Variants in PTPRD observed in about 807,000 individuals in gnomAD.
The protein encoded by PTPRD is protein tyrosine phosphatase receptor type D.
Under a neutral mutation model 214.5 loss-of-function variants are expected in PTPRD, and 34 were observed. The observed-to-expected ratio is 0.16, with a 90% CI of 0.12 to 0.21. The LOEUF (loss-of-function observed/expected upper bound fraction) is 0.21, where lower values mean the gene tolerates loss of function less well. Ranked by LOEUF, PTPRD falls within the 10% of genes least tolerant of loss-of-function variation. The pLI is 1.00. For missense variants in PTPRD, 2,545 were observed against 2,398.7 expected (o/e 1.06, Z -1.27); for synonymous variants, 1,128 against 845.7 (o/e 1.33, Z -5.79).
chr9:9,916,094 CAAA>C (rs201403712), intron 5 of PTPRD, among the ~76,000 whole-genome samples: 8,757 of 142,164 alleles, frequency 0.062, 283 homozygotes, highest in East Asian at 0.11. Flanking sequence ...AAAAAAAAAA[CAAA>C]AAACTGTCAG....
chr9:10,306,277 T>TG (rs1394892710), intron 3 of PTPRD, among the ~76,000 whole-genome samples: 6,186 of 42,396 alleles, frequency 0.15, 492 homozygotes, highest in African/African-American at 0.36. Flanking sequence ...TGTCGTGGGG[T>TG]GGGGGGGGCT....
chr9:9,716,069 G>A (rs2097822055), intron 7 of PTPRD, among the ~76,000 whole-genome samples: 1 of 143,830 alleles, frequency 7.0e-6, no homozygotes, highest in African/African-American at 2.6e-5. Context: ...TGATCTCATT[G>A]TTCAGTTCCC....
intron 33 of PTPRD, among the ~76,000 whole-genome samples, chr9:8,453,821 G>A (rs1398431232): frequency 6.6e-6 from 1 of 152,174 alleles, no homozygotes; most frequent in African/African-American, 2.4e-5. Context: ...TTCCCTGGTG[G>A]TGCTGACGCT....
intron 8 of PTPRD, among the ~76,000 whole-genome samples, chr9:9,544,552 T>C (rs1414015606): frequency 1.3e-5 from 2 of 151,672 alleles, no homozygotes; most frequent in Non-Finnish European, 3.0e-5. Context: ...CTCTCGACTG[T>C]GTCTTCAAAT....
intron 7 of PTPRD, among the ~76,000 whole-genome samples, chr9:9,626,385 C>T (rs1336821397): frequency 1.3e-5 from 2 of 152,144 alleles, no homozygotes; most frequent in Non-Finnish European, 2.9e-5. Flanking sequence ...TAGTGCCTAA[C>T]AAGTCACAGG....
rs112309344 is a variant in PTPRD, at chr9:10,214,600, T to G, written c.-545+126363A>C. Among the ~76,000 whole-genome samples, 92 of 152,106 alleles carry G rather than the reference T, an allele frequency of 6.0e-4. 1 individual carries two copies. The highest frequency in any genetic ancestry group is 4.4e-3 in the Admixed American group (67 of 15,228). ...CAACTATTAATTCTTACTGGAAATTTTGCTTGCATATAGGGAAATTGGCTG... is the reference window on the plus strand; with the variant it reads ...CAACTATTAATTCTTACTGGAAATTGTGCTTGCATATAGGGAAATTGGCTG... On this transcript the variant is annotated intron_variant, in intron 3 of 45. Transcript: ENST00000381196.
At chr9:9,979,438 G>A (rs1481751340) in intron 4 of PTPRD, among the ~76,000 whole-genome samples, 1 of 151,962 alleles carries the variant, frequency 6.6e-6, no homozygotes, top group Non-Finnish European at 1.5e-5. Context: ...TATCTGTAAG[G>A]AGGGGGAGAA....
chr9:9,376,781 C>T (rs1477589915), intron 9 of PTPRD, among the ~76,000 whole-genome samples: 1 of 151,928 alleles, frequency 6.6e-6, no homozygotes, highest in African/African-American at 2.4e-5. Context: ...TTCACAGTCT[C>T]AGGATGAAAA....
At chr9:9,486,903 C>T (rs1371863251) in intron 8 of PTPRD, among the ~76,000 whole-genome samples, 1 of 152,066 alleles carries the variant, frequency 6.6e-6, no homozygotes, top group Admixed American at 6.6e-5. Context: ...TTTCTTTTAC[C>T]AGACACTTCA....
chr9:9,631,144 T>C (rs1388383983), intron 7 of PTPRD, among the ~76,000 whole-genome samples: 2 of 151,304 alleles, frequency 1.3e-5, no homozygotes, highest in Non-Finnish European at 2.9e-5. Flanking sequence ...CTTAGCTGTG[T>C]GGTCCTTAGA....
At chr9:10,508,059 G>A (rs143297955) in intron 2 of PTPRD, among the ~76,000 whole-genome samples, 1 of 152,116 alleles carries the variant, frequency 6.6e-6, no homozygotes, top group Admixed American at 6.6e-5. Context: ...ATCTGACAAA[G>A]GGCTAATATC....
At chr9:10,215,457 C>T (rs754994173) in intron 3 of PTPRD, among the ~76,000 whole-genome samples, 1 of 152,088 alleles carries the variant, frequency 6.6e-6, no homozygotes, top group Non-Finnish European at 1.5e-5. Context: ...CCTCGTGAGA[C>T]ACATTTTAAT....
chr9:9,614,911 T>A (rs775336189), intron 7 of PTPRD, among the ~76,000 whole-genome samples: 16 of 152,080 alleles, frequency 1.1e-4, no homozygotes, highest in Non-Finnish European at 2.1e-4. Context: ...CACCCTTCAA[T>A]ATAATAATCA....
At chr9:9,937,133 A>C (rs2089785894) in intron 5 of PTPRD, among the ~76,000 whole-genome samples, 1 of 152,164 alleles carries the variant, frequency 6.6e-6, no homozygotes, top group Admixed American at 6.5e-5. Flanking sequence ...CTAGATGATG[A>C]GTTAATGGGT....
chr9:8,703,015 A>G (rs916528703), intron 12 of PTPRD, among the ~76,000 whole-genome samples: 3 of 152,250 alleles, frequency 2.0e-5, no homozygotes, highest in African/African-American at 7.2e-5. Flanking sequence ...TGTATTATTC[A>G]TAAAGACAAT....
intron 4 of PTPRD, among the ~76,000 whole-genome samples, chr9:9,940,643 A>T (rs571611424): frequency 6.6e-6 from 1 of 152,196 alleles, no homozygotes; most frequent in Admixed American, 6.5e-5. Flanking sequence ...TAATATTAAC[A>T]AAAGTGTCAA....
chr9:9,228,063 C>G (rs772753962), intron 9 of PTPRD, among the ~76,000 whole-genome samples: 16 of 152,098 alleles, frequency 1.1e-4, no homozygotes, highest in Non-Finnish European at 2.1e-4. Flanking sequence ...GTCATGTTAG[C>G]TGAAATTGCT....
intron 10 of PTPRD, among the ~76,000 whole-genome samples, chr9:9,074,281 T>C (rs1235353644): frequency 6.6e-6 from 1 of 152,076 alleles, no homozygotes; most frequent in Admixed American, 6.6e-5. Flanking sequence ...ACATGAAGAA[T>C]AATTGAAAAG....
intron 3 of PTPRD, among the ~76,000 whole-genome samples, chr9:10,127,390 A>C (rs1448614616): frequency 6.6e-6 from 1 of 152,204 alleles, no homozygotes; most frequent in Non-Finnish European, 1.5e-5. Flanking sequence ...AATTCTACAA[A>C]TTGAATTAAT....
Sources: gnomAD v4.1 joint callset for allele counts (sites outside exome capture counted in the v4.1 genomes callset) on GRCh38, gnomAD v4.1.1 for gene constraint, MANE v1.5 for transcripts, NCBI Gene and HGNC (gene_info 2026-07-23, HGNC 2026-07-21) for gene names.